Variants in CRBN observed in about 807,000 individuals in gnomAD.
CRBN encodes cereblon, also known as protein cereblon.
Under a neutral mutation model 62.2 loss-of-function variants are expected in CRBN, and 53 were observed. The observed-to-expected ratio is 0.85, with a 90% CI of 0.68 to 1.07. The LOEUF (loss-of-function observed/expected upper bound fraction) is 1.07, where lower values mean the gene tolerates loss of function less well. Ranked by LOEUF, CRBN falls within the 50% of genes least tolerant of loss-of-function variation. The probability of loss-of-function intolerance (pLI) is 0.00; values close to 1 mark genes in which losing one functional copy is unlikely to be tolerated. For missense variants in CRBN, 616 were observed against 531.1 expected (o/e 1.16, Z -1.57); for synonymous variants, 208 against 176.1 (o/e 1.18, Z -1.43).
intron 1 of CRBN, among the ~76,000 whole-genome samples, 193 bp downstream of exon 1, chr3:3,179,428 C>T (rs1012321517): frequency 5.3e-5 from 8 of 152,142 alleles, no homozygotes; most frequent in Non-Finnish European, 8.8e-5. Context: ...CTCGGGGCAA[C>T]AGAGCAGCGA....
At chr3:3,172,429 A>C (rs1707654727) in intron 4 of CRBN, 1 of 307,764 alleles carries the variant, frequency 3.2e-6, no homozygotes, top group Non-Finnish European at 6.2e-6. Context: ...TTCAATCCTA[A>C]AGAAGCCAAA....
intron 10 of CRBN, among the ~76,000 whole-genome samples, chr3:3,151,970 G>C (rs920323733): frequency 2.6e-5 from 4 of 152,084 alleles, no homozygotes; most frequent in Non-Finnish European, 5.9e-5. Flanking sequence ...TGGGTCATAA[G>C]ACAGCTGATT....
rs753824585 is a variant in CRBN, at chr3:3,175,308, A to C, written c.68-39T>G. On this transcript the variant is annotated intron_variant, in intron 1 of 10. Coordinates refer to ENST00000231948, the MANE Select transcript of CRBN (RefSeq NM_016302.4). The stretch of plus-strand genomic sequence containing the variant: ...ATATTGTAAGAAAAAAAAAAAGATG[A>C]ATGAAAACCTTTCAAACATGTAATT... The C allele has an allele frequency of 3.6e-6, 5 of 1,381,628 alleles. No homozygotes were observed. The East Asian group carries it at 1.1e-4, about 32-fold the overall frequency. The allele number at this position is 1,381,628 out of a possible 1,614,324, so 85.6% of individuals were successfully genotyped here.
At chr3:3,179,344 A>C (rs1441387947) in intron 1 of CRBN, among the ~76,000 whole-genome samples, 5 of 152,190 alleles carry the variant, frequency 3.3e-5, no homozygotes, top group Admixed American at 3.3e-4. Context: ...CTAAACTCAG[A>C]ACACAAGGAG....
At chr3:3,153,738 A>G (rs1375180757) in intron 8 of CRBN, 3 of 616,140 alleles carry the variant, frequency 4.9e-6, no homozygotes, top group African/African-American at 3.7e-5. Flanking sequence ...ATAACCTTGG[A>G]TATTTCCATG....
intron 5 of CRBN, among the ~76,000 whole-genome samples, chr3:3,166,329 C>T (rs904842131): frequency 6.6e-6 from 1 of 152,136 alleles, no homozygotes; most frequent in African/African-American, 2.4e-5. Context: ...TAAGACGTGA[C>T]TTGCTCTTCC....
chr3:3,162,121 G>C (rs540967441), intron 5 of CRBN, among the ~76,000 whole-genome samples: 2 of 152,266 alleles, frequency 1.3e-5, no homozygotes, highest in African/African-American at 4.8e-5. Flanking sequence ...AAGTTCAACA[G>C]AGGCCAGAAA....
intron 5 of CRBN, among the ~76,000 whole-genome samples, chr3:3,157,344 A>G (rs769651588): frequency 9.2e-5 from 14 of 152,236 alleles, no homozygotes; most frequent in Admixed American, 3.9e-4. Context: ...CAAAACCTAC[A>G]TACGTACAAA....
chr3:3,175,037 TA>T (rs1445459083), intron 2 of CRBN, 125 bp downstream of exon 2: 15 of 663,556 alleles, frequency 2.3e-5, no homozygotes, highest in South Asian at 5.3e-5. Flanking sequence ...TACTGGCAAA[TA>T]GCCCATGTCC....
At position 3,153,452 on chromosome 3, in the gene CRBN, C is replaced by T; in HGVS notation, c.988G>A (p.Glu330Lys). 6.3e-7 allele frequency: 1 copy of T among 1,575,058 alleles called. No individual in the cohort carries two copies. The highest frequency in any genetic ancestry group is 1.1e-5 in the South Asian group (1 of 90,200). The part of the protein sequence containing the change: ...SLCCKQCQET[E>K]ITTKNEIFSL... ...AATATTTCATTTTTGGTTGTTATTT[C>T]TGTTTCTTGACATTGTTTACAGCAA... The change falls in exon 9 of 11, where the codon GAA becomes AAA. Residue 330 changes from glutamate to lysine, a missense_variant. Glu to Lys is a moderately conservative substitution (Grantham distance 56). Coordinates refer to ENST00000231948, the MANE Select transcript of CRBN (RefSeq NM_016302.4).
chr3:3,167,867 T>C, intron 4 of CRBN, 74 bp from the exon 5 acceptor site: 4 of 1,443,882 alleles, frequency 2.8e-6, no homozygotes, highest in South Asian at 2.4e-5. Context: ...TTCTAAACAG[T>C]GATAATTTTA....
At chr3:3,175,614 C>T (rs1400040555) in intron 1 of CRBN, among the ~76,000 whole-genome samples, 3 of 152,196 alleles carry the variant, frequency 2.0e-5, no homozygotes, top group Non-Finnish European at 4.4e-5. Context: ...GTACATTACT[C>T]TAACTAAGCT....
chr3:3,173,312 C>T (rs1346260952), intron 3 of CRBN, among the ~76,000 whole-genome samples: 2 of 152,182 alleles, frequency 1.3e-5, no homozygotes, highest in Non-Finnish European at 2.9e-5. Context: ...CCCGCCTCGG[C>T]CTCCCAAAGT....
intron 5 of CRBN, among the ~76,000 whole-genome samples, chr3:3,163,006 A>C (rs1707199729): frequency 6.6e-6 from 1 of 152,194 alleles, no homozygotes; most frequent in African/African-American, 2.4e-5. Flanking sequence ...CCCACTGCAT[A>C]CGGAGTTCCT....
chr3:3,157,414 G>A (rs145349629), intron 5 of CRBN, among the ~76,000 whole-genome samples: 1 of 152,150 alleles, frequency 6.6e-6, no homozygotes, highest in African/African-American at 2.4e-5. Flanking sequence ...ACATGAAAGT[G>A]AGAGAGAAAA....
At chr3:3,174,022 A>C in intron 3 of CRBN, 37 bp downstream of exon 3, 3 of 1,537,468 alleles carry the variant, frequency 2.0e-6, no homozygotes, top group Non-Finnish European at 2.7e-6. Context: ...TACCCATGAG[A>C]GGGAATGTAT....
chr3:3,167,895 A>C, intron 4 of CRBN, 102 bp from the exon 5 acceptor site: 1 of 1,128,946 alleles, frequency 8.9e-7, no homozygotes, highest in Non-Finnish European at 1.3e-6. Flanking sequence ...AGATTTTCCA[A>C]GTTTTATCTT....
intron 4 of CRBN, among the ~76,000 whole-genome samples, chr3:3,170,201 G>C (rs1273828972): frequency 6.6e-6 from 1 of 152,264 alleles, no homozygotes; most frequent in East Asian, 1.9e-4. Context: ...AGCTGGTCTT[G>C]AACTGCTGGC....
chr3:3,150,796 C>CAAT lies in CRBN; in HGVS notation c.*66_*68dup. On this transcript the variant is annotated 3_prime_UTR_variant, in exon 11 of 11. Transcript: ENST00000231948. Reference sequence around the variant, plus strand: ...TGTTTACTTAGGTATGTATCAGAGGCAATAATTTCCAAAGCAGATCTTAGA... The same window carrying CAAT: ...TGTTTACTTAGGTATGTATCAGAGGCAATAATAATTTCCAAAGCAGATCTTAGA... 2.8e-6 allele frequency: 4 copies of CAAT among 1,448,946 alleles called. No individual in the cohort carries two copies. Among genetic ancestry groups the CAAT allele is most frequent in the Non-Finnish European group, 3.8e-6 (4 of 1,047,240 alleles). 89.8% of individuals were successfully genotyped at this position (1,448,946 alleles called of 1,614,324 possible).
Sources: gnomAD v4.1 joint callset for allele counts (sites outside exome capture counted in the v4.1 genomes callset) on GRCh38, gnomAD v4.1.1 for gene constraint, MANE v1.5 for transcripts, NCBI Gene and HGNC (gene_info 2026-07-23, HGNC 2026-07-21) for gene names.